Variants in GEMIN5 observed in about 807,000 individuals in gnomAD.
GEMIN5 encodes the protein gem-associated protein 5.
GEMIN5 carries 124 observed loss-of-function variants against 176.9 expected under a neutral mutation model. The observed-to-expected ratio is 0.70, with a 90% CI of 0.61 to 0.81. The LOEUF is 0.81. Among genes scored for constraint, GEMIN5 ranks in the 40% least tolerant of loss-of-function variants. The pLI is 0.00. For missense variants in GEMIN5, 1,843 were observed against 1,814.6 expected, an observed-to-expected ratio of 1.02 and a Z score of -0.28; for synonymous variants, 673 against 665.2, an observed-to-expected ratio of 1.01 and a Z score of -0.18.
intron 24 of GEMIN5, 66 bp downstream of exon 24, chr5:154,896,026 T>C (rs763815223): frequency 4.1e-5 from 64 of 1,564,176 alleles, no homozygotes; most frequent in Middle Eastern, 1.7e-4. Flanking sequence ...CCCGTTACAA[T>C]AGACATGGAT....
At chr5:154,923,796 G>A (rs1326426973) in intron 9 of GEMIN5, among the ~76,000 whole-genome samples, 2 of 152,174 alleles carry the variant, frequency 1.3e-5, no homozygotes, top group Non-Finnish European at 2.9e-5. Flanking sequence ...GGGCTAGTGT[G>A]ACTGAGGAAC....
chr5:154,892,889 G>A (rs1763266094), intron 24 of GEMIN5, among the ~76,000 whole-genome samples: 1 of 151,966 alleles, frequency 6.6e-6, no homozygotes, highest in Admixed American at 6.6e-5. Context: ...ACAAGGTCAG[G>A]AGTTCAAGAC....
chr5:154,928,548 T>C lies in GEMIN5; in HGVS notation c.893A>G (p.Gln298Arg). 1 of 1,614,188 alleles carries C rather than the reference T, an allele frequency of 6.2e-7. No homozygotes were observed. The highest frequency in any genetic ancestry group is 8.5e-7 in the Non-Finnish European group (1 of 1,179,998). ...TTACCCAAAACAGCTAGATACCAGC[T>C]GTGTTGGTTGATTGCTGGGCCAATG... is the stretch of plus-strand genomic sequence containing the variant. ...TLHWPSNQPT[Q>R]LVSSCFGGEL... Residue 298 changes from glutamine to arginine, a missense_variant, in exon 6 of 28, where the codon CAG becomes CGG. Coordinates refer to ENST00000285873, the MANE Select transcript of GEMIN5 (RefSeq NM_015465.5).
chr5:154,912,954 C>T lies in GEMIN5; in HGVS notation c.1940G>A (p.Trp647Ter). 1 of 1,613,696 alleles carries T rather than the reference C, an allele frequency of 6.2e-7. No individual in the cohort carries two copies. The highest frequency in any genetic ancestry group is 8.5e-7 in the Non-Finnish European group (1 of 1,179,600). ...CAGCCTTCCATCATGATGTGGGCTC[C>T]ACGCCACACTGGTAATCTTGGCCGT... ...GHTAKITSVAWSPHHDGRLVS... is the reference protein window; with the variant it reads ...GHTAKITSVA The change falls in exon 14 of 28, where the codon TGG becomes TAG. Residue 647 changes from tryptophan to a stop codon, truncating the protein, a stop_gained. Coordinates refer to ENST00000285873, the MANE Select transcript of GEMIN5 (RefSeq NM_015465.5). LOFTEE classifies it high-confidence loss of function.
Position 154,896,222 on chromosome 5 carries a change from A to G in GEMIN5, c.3467T>C (p.Phe1156Ser). Residue 1156 changes from phenylalanine to serine, a missense_variant, in exon 24 of 28, where the codon TTC becomes TCC. By Grantham distance (155) the Phe-to-Ser change is radical. Coordinates refer to ENST00000285873, the MANE Select transcript of GEMIN5 (RefSeq NM_015465.5). ...HTWNTGTEGP[F>S]VERVTAVWKS... ...CCACACTGCAGTCACCCTCTCCACG[A>G]AAGGCCCTTCGGTGCCCGTGTTCCA... The G allele has an allele frequency of 6.2e-7, 1 of 1,613,892 alleles. No homozygotes were observed. Among genetic ancestry groups the G allele is most frequent in the Non-Finnish European group, 8.5e-7 (1 of 1,179,910 alleles).
chr5:154,898,381 T>C lies in GEMIN5; in HGVS notation c.3345+59A>G, dbSNP rs1763396600. The C allele has an allele frequency of 2.8e-6, 4 of 1,450,962 alleles. No homozygotes were observed. The Admixed American group carries it at 5.1e-5, about 18-fold the overall frequency. 89.9% of individuals were successfully genotyped at this position (1,450,962 alleles called of 1,614,324 possible). ...ACTGGGTTATTAACTTGGATTTGAC[T>C]AGAAAAGGATTTGGGACACTTCCCT... On this transcript the variant is annotated intron_variant, in intron 23 of 27. Coordinates refer to ENST00000285873, the MANE Select transcript of GEMIN5 (RefSeq NM_015465.5).
In GEMIN5 at chr5:154,891,746, G is replaced by A. The variant is rs1191102938; in HGVS notation, c.3761-4C>T. 2 of 1,567,962 alleles carry A rather than the reference G, an allele frequency of 1.3e-6. No individual in the cohort carries two copies. The highest frequency in any genetic ancestry group is 2.1e-5 in the Admixed American group (1 of 48,212). ...TTGTCTCTTAGGTGGTCACAGCCTA[G>A]GAAAAGAGGAAAAAGATACTGGGTC... On this transcript the variant is annotated splice_region_variant and splice_polypyrimidine_tract_variant and intron_variant, in intron 25 of 27. Coordinates refer to ENST00000285873, the MANE Select transcript of GEMIN5 (RefSeq NM_015465.5).
In GEMIN5 at chr5:154,924,477, G is replaced by T; in HGVS notation, c.1371C>A (p.Tyr457Ter). Residue 457 changes from tyrosine to a stop codon, truncating the protein, a stop_gained, in exon 9 of 28, where the codon TAC becomes TAA. Coordinates refer to ENST00000285873, the MANE Select transcript of GEMIN5 (RefSeq NM_015465.5). LOFTEE classifies it high-confidence loss of function. ...DDGKVGLYDT[Y>*]SNKPPQISST... ...AATCACCCATTTCTTACTTGTTGGA[G>T]TAGGTGTCATACAATCCCACTTTTC... The T allele has an allele frequency of 1.2e-6, 2 of 1,603,836 alleles. No individual in the cohort carries two copies. The highest frequency in any genetic ancestry group is 1.7e-6 in the Non-Finnish European group (2 of 1,170,900).
chr5:154,915,913 G>A (rs918041816), intron 13 of GEMIN5, among the ~76,000 whole-genome samples: 8 of 152,020 alleles, frequency 5.3e-5, no homozygotes, highest in Middle Eastern at 3.4e-3. Context: ...TCATGTTCAC[G>A]AAGATCTATG....
At chr5:154,894,186 C>A (rs1012672275) in intron 24 of GEMIN5, among the ~76,000 whole-genome samples, 3 of 152,118 alleles carry the variant, frequency 2.0e-5, no homozygotes, top group African/African-American at 7.2e-5. Context: ...CTCAAGCGAT[C>A]CACCCGCGTT....
At chr5:154,899,058 GA>G (rs1006785322) in intron 22 of GEMIN5, 132 bp downstream of exon 22, 1 of 825,248 alleles carries the variant, frequency 1.2e-6, no homozygotes, top group African/African-American at 1.7e-5. Flanking sequence ...AAACTAAGTT[GA>G]ATATACATAT....
In GEMIN5 at chr5:154,904,685, C is replaced by T. The variant is rs752544780; in HGVS notation, c.2510-56G>A. ...AGGAGAACTGATCAGAAACATAAAA[C>T]GGAATGCCTATTGTGTGAATGTAAC... is the stretch of plus-strand genomic sequence containing the variant. On this transcript the variant is annotated intron_variant, in intron 17 of 27. Transcript: ENST00000285873. 70 of 1,389,990 alleles carry T rather than the reference C, an allele frequency of 5.0e-5. No individual in the cohort carries two copies. The Admixed American group carries it at 7.6e-4, about 15-fold the overall frequency. The allele number at this position is 1,389,990 out of a possible 1,614,324, so 86.1% of individuals were successfully genotyped here. A position where few individuals can be genotyped will look rare whatever the true frequency, so the allele number is the denominator to read the frequency against.
rs533925828 is a variant in GEMIN5 at position 154,938,191 on chromosome 5, G to C, written c.-58C>G. On this transcript the variant is annotated 5_prime_UTR_variant, in exon 1 of 28. Coordinates refer to ENST00000285873, the MANE Select transcript of GEMIN5 (RefSeq NM_015465.5). ...CACAGCCGACCGCTCGTAGCCTCAC[G>C]CCTTAGGTAGGGAGCGGGGCGGGGT... The C allele has an allele frequency of 1.2e-4, 158 of 1,271,508 alleles. 4 individuals are homozygous for C. The South Asian group carries it at 3.5e-3, about 28-fold the overall frequency. The allele number at this position is 1,271,508 out of a possible 1,614,324, so 78.8% of individuals were successfully genotyped here.
At chr5:154,892,299 A>C (rs1763245845) in intron 25 of GEMIN5, 88 bp downstream of exon 25, 2 of 1,061,072 alleles carry the variant, frequency 1.9e-6, no homozygotes, top group Admixed American at 2.4e-5. Flanking sequence ...CCATCTTTTA[A>C]GAATCTAGGT....
chr5:154,905,431 T>A lies in GEMIN5; in HGVS notation c.2441A>T (p.Glu814Val). The change falls in exon 17 of 28, where the codon GAA becomes GTA. Residue 814 changes from glutamate to valine, a missense_variant. Coordinates refer to ENST00000285873, the MANE Select transcript of GEMIN5 (RefSeq NM_015465.5). The part of the protein sequence containing the change: ...VICTPVSSGF[E>V]KSKVTINNKV... ...GTTATTAATGGTGACTTTTGACTTTTCAAAGCCTGAGGAAACTGGAGTGCA... is the reference window on the plus strand; with the variant it reads ...GTTATTAATGGTGACTTTTGACTTTACAAAGCCTGAGGAAACTGGAGTGCA... 6.2e-7 allele frequency: 1 copy of A among 1,609,826 alleles called. No individual in the cohort carries two copies. The highest frequency in any genetic ancestry group is 1.3e-5 in the African/African-American group (1 of 74,898).
In GEMIN5 at chr5:154,927,433, T is replaced by TTAC. The variant is rs1764065642; in HGVS notation, c.1031_1032insGTA (p.Gln344_Thr345insTer). 1 of 1,595,370 alleles carries TTAC rather than the reference T, an allele frequency of 6.3e-7. No homozygotes were observed. The highest frequency in any genetic ancestry group is 1.3e-5 in the African/African-American group (1 of 74,694). ...GTAATAGCTGTTTGTCATCCTCTGTTTGTAAAGGACATAAATTAAACACAA... is the reference window on the plus strand; with the variant it reads ...GTAATAGCTGTTTGTCATCCTCTGTTTACTGTAAAGGACATAAATTAAACACAA... On this transcript the variant is annotated stop_gained and inframe_insertion, in exon 7 of 28. Coordinates refer to ENST00000285873, the MANE Select transcript of GEMIN5 (RefSeq NM_015465.5). LOFTEE classifies it high-confidence loss of function.
intron 19 of GEMIN5, 123 bp from the exon 20 acceptor site, chr5:154,902,799 G>A: frequency 1.0e-6 from 1 of 966,438 alleles, no homozygotes; most frequent in South Asian, 1.6e-5. Context: ...TTCTCTGATG[G>A]GTGTCACCTA....
At chr5:154,915,331 T>C (rs1294103961) in intron 13 of GEMIN5, among the ~76,000 whole-genome samples, 4 of 152,244 alleles carry the variant, frequency 2.6e-5, no homozygotes, top group Admixed American at 2.0e-4. Context: ...TGAGAGCACA[T>C]GTTTTATAGC....
chr5:154,921,528 A>G (rs749143601), intron 9 of GEMIN5, 103 bp from the exon 10 acceptor site: 2 of 655,518 alleles, frequency 3.1e-6, no homozygotes, highest in Non-Finnish European at 5.4e-6. Context: ...AAACATAACT[A>G]CTAATAATTG....
Sources: allele counts gnomAD v4.1 joint callset (sites outside exome capture counted in the v4.1 genomes callset), GRCh38; gene constraint gnomAD v4.1.1; transcripts MANE v1.5; gene names NCBI Gene and HGNC (gene_info 2026-07-23, HGNC 2026-07-21).